Variants in EYS observed in about 807,000 individuals in gnomAD.
EYS encodes EGF-like photoreceptor maintenance factor.
A neutral mutation model predicts 282.1 loss-of-function variants in EYS; 250 were observed. The observed-to-expected ratio is 0.89, with a 90% confidence interval of 0.80 to 0.98. The LOEUF (loss-of-function observed/expected upper bound fraction) is 0.98. EYS is among the 50% of genes least tolerant of loss of function. The pLI, the probability that EYS is intolerant of heterozygous loss-of-function variation, is 0.00. For synonymous variants in EYS, 1,355 were observed against 1,282.9 expected (o/e 1.06, Z -1.20); for missense variants, 4,016 against 3,709.0 (o/e 1.08, Z -2.15).
At chr6:64,085,324 G>A (rs1215037435) in intron 31 of EYS, among the ~76,000 whole-genome samples, 2 of 112,098 alleles carry the variant, frequency 1.8e-5, no homozygotes, top group East Asian at 2.7e-4. Context: ...ACGCGCGCGC[G>A]TGCGCACGTG....
intron 41 of EYS, among the ~76,000 whole-genome samples, chr6:63,743,804 G>A (rs1769143284): frequency 1.3e-5 from 2 of 152,096 alleles, no homozygotes; most frequent in South Asian, 4.1e-4. Flanking sequence ...AATCTAAAAA[G>A]GAAGAGAAAT....
intron 8 of EYS, among the ~76,000 whole-genome samples, chr6:65,357,133 T>C (rs1764515877): frequency 6.6e-6 from 1 of 151,956 alleles, no homozygotes; most frequent in South Asian, 2.1e-4. Flanking sequence ...TTCATCATGT[T>C]GTTGAGAGGC....
At chr6:65,491,550 C>T (rs755148508) in intron 4 of EYS, 11 of 432,058 alleles carry the variant, frequency 2.5e-5, no homozygotes, top group South Asian at 1.2e-4. Flanking sequence ...CCCTGCCTCA[C>T]TAATGCAGAA....
At chr6:65,178,113 T>C (rs1581985732) in intron 12 of EYS, among the ~76,000 whole-genome samples, 1 of 151,852 alleles carries the variant, frequency 6.6e-6, no homozygotes, top group Non-Finnish European at 1.5e-5. Context: ...CCCCCGAGTA[T>C]CCTGCCACAG....
At chr6:65,516,661 T>C (rs1767147708) in intron 2 of EYS, among the ~76,000 whole-genome samples, 1 of 152,120 alleles carries the variant, frequency 6.6e-6, no homozygotes, top group African/African-American at 2.4e-5. Flanking sequence ...GTATGTTTTA[T>C]TCTTTTAATC....
chr6:64,677,227 C>A (rs564125638), intron 22 of EYS, among the ~76,000 whole-genome samples: 27 of 151,974 alleles, frequency 1.8e-4, no homozygotes, highest in African/African-American at 6.5e-4. Context: ...ACTGTTTTGC[C>A]TTCAGTTTAG....
At chr6:64,813,647 T>A in intron 21 of EYS, 70 bp from the exon 22 acceptor site, 1 of 951,768 alleles carries the variant, frequency 1.1e-6, no homozygotes, top group Non-Finnish European at 1.4e-6. Context: ...TAATTATATT[T>A]TTATTTAAAC....
chr6:64,101,924 A>G (rs1480949952), intron 31 of EYS, among the ~76,000 whole-genome samples: 1 of 151,628 alleles, frequency 6.6e-6, no homozygotes, highest in Admixed American at 6.6e-5. Flanking sequence ...GATCCTTCAT[A>G]TGTGCAGTTC....
chr6:64,936,469 A>G (rs1265344060), intron 15 of EYS, among the ~76,000 whole-genome samples: 1 of 151,490 alleles, frequency 6.6e-6, no homozygotes, highest in Admixed American at 6.6e-5. Flanking sequence ...AAACAGAAAA[A>G]AACGTATCAA....
At chr6:64,185,135 C>T (rs1433419189) in intron 31 of EYS, among the ~76,000 whole-genome samples, 1 of 152,036 alleles carries the variant, frequency 6.6e-6, no homozygotes, top group Non-Finnish European at 1.5e-5. Flanking sequence ...TCTGCCAGTA[C>T]CTTGCTCTTG....
intron 12 of EYS, among the ~76,000 whole-genome samples, chr6:65,276,900 T>C (rs1359329477): frequency 6.6e-6 from 1 of 152,206 alleles, no homozygotes; most frequent in Admixed American, 6.5e-5. Flanking sequence ...TGCATGTTTG[T>C]ATAAAATATT....
intron 35 of EYS, among the ~76,000 whole-genome samples, chr6:63,917,314 A>G (rs1215230503): frequency 6.6e-6 from 1 of 152,248 alleles, no homozygotes; most frequent in African/African-American, 2.4e-5. Flanking sequence ...AAAGTCATAC[A>G]AGGACAAAGC....
chr6:63,836,956 G>T (rs532673149), intron 36 of EYS, among the ~76,000 whole-genome samples: 8 of 149,832 alleles, frequency 5.3e-5, no homozygotes, highest in African/African-American at 1.5e-4. Flanking sequence ...CCTTTTTTTT[G>T]AAATGAAAAG....
chr6:65,249,547 C>CT (rs34691820), intron 12 of EYS, among the ~76,000 whole-genome samples: 2,231 of 143,596 alleles, frequency 0.016, 49 homozygotes, highest in African/African-American at 0.044. Flanking sequence ...CATAAATATC[C>CT]TTTTTTTTTT....
At chr6:63,729,329 C>T (rs912495586) in intron 41 of EYS, among the ~76,000 whole-genome samples, 1 of 152,034 alleles carries the variant, frequency 6.6e-6, no homozygotes, top group African/African-American at 2.4e-5. Flanking sequence ...TTAATGAAAT[C>T]TAATTTATCA....
At chr6:65,105,088 A>G (rs971559644) in intron 12 of EYS, among the ~76,000 whole-genome samples, 2 of 151,760 alleles carry the variant, frequency 1.3e-5, no homozygotes, top group Admixed American at 1.3e-4. Flanking sequence ...ATGTTGATAT[A>G]AAATGTTTCC....
At chr6:65,310,835 A>G (rs1769137401) in intron 11 of EYS, among the ~76,000 whole-genome samples, 1 of 152,230 alleles carries the variant, frequency 6.6e-6, no homozygotes. Context: ...TAGCTAAAAT[A>G]GCAGCCACTG....
chr6:63,836,534 AT>A (rs1395767466), intron 36 of EYS, among the ~76,000 whole-genome samples: 1 of 152,090 alleles, frequency 6.6e-6, no homozygotes, highest in Non-Finnish European at 1.5e-5. Flanking sequence ...AACTTTGTCT[AT>A]TAGAAATTAA....
chr6:64,650,445 A>G (rs907200649), intron 22 of EYS, among the ~76,000 whole-genome samples: 1 of 152,048 alleles, frequency 6.6e-6, no homozygotes, highest in Non-Finnish European at 1.5e-5. Flanking sequence ...GAGAAACCCC[A>G]AAAAGAAATA....
Sources: allele counts gnomAD v4.1 joint callset (sites outside exome capture counted in the v4.1 genomes callset), GRCh38; gene constraint gnomAD v4.1.1; transcripts MANE v1.5; gene names NCBI Gene and HGNC (gene_info 2026-07-23, HGNC 2026-07-21).